The following CPNE4 variants were observed in gnomAD, a reference collection of about 807,000 sequenced individuals.
CPNE4 encodes copine-4.
A neutral mutation model predicts 67.9 loss-of-function variants in CPNE4; 25 were observed. The observed-to-expected ratio is 0.37, with a 90% CI of 0.27 to 0.51. The LOEUF is 0.51. Among genes scored for constraint, CPNE4 ranks in the 20% least tolerant of loss-of-function variants. The pLI is 0.93. For synonymous variants in CPNE4, 242 were observed against 244.9 expected (o/e 0.99, Z 0.11); for missense variants, 464 against 690.8 (o/e 0.67, Z 3.68).
At chr3:131,711,960 C>G (rs1044547944) in intron 3 of CPNE4, among the ~76,000 whole-genome samples, 2 of 152,166 alleles carry the variant, frequency 1.3e-5, no homozygotes, top group African/African-American at 4.8e-5. Flanking sequence ...CAACTCTCCT[C>G]CCTGTGGACA....
intron 1 of CPNE4, among the ~76,000 whole-genome samples, chr3:132,004,944 C>T (rs561524973): frequency 5.3e-5 from 8 of 152,180 alleles, no homozygotes; most frequent in African/African-American, 1.9e-4. Context: ...GGCTCACTTA[C>T]ATCCATTTTT....
chr3:131,648,120 C>T (rs1482811076), intron 7 of CPNE4, among the ~76,000 whole-genome samples: 1 of 152,172 alleles, frequency 6.6e-6, no homozygotes, highest in Non-Finnish European at 1.5e-5. Context: ...TGCCTGGAAT[C>T]ACAGCATTTT....
At chr3:131,780,970 A>G (rs1014359676) in intron 2 of CPNE4, among the ~76,000 whole-genome samples, 10 of 152,056 alleles carry the variant, frequency 6.6e-5, no homozygotes, top group Non-Finnish European at 1.3e-4. Context: ...ACAGGAGGAC[A>G]GTGAAGGTCT....
intron 1 of CPNE4, among the ~76,000 whole-genome samples, chr3:132,028,123 T>C (rs1560811336): frequency 6.6e-6 from 1 of 152,184 alleles, no homozygotes; most frequent in Non-Finnish European, 1.5e-5. Flanking sequence ...GAATCTCTAT[T>C]AGCGCTGTTA....
chr3:131,916,220 C>G (rs1454598500), intron 1 of CPNE4, among the ~76,000 whole-genome samples: 1 of 151,838 alleles, frequency 6.6e-6, no homozygotes, highest in African/African-American at 2.4e-5. Context: ...GTAGAAAGAT[C>G]AAATCTTAGT....
chr3:131,919,676 C>G (rs1445911870), intron 1 of CPNE4, among the ~76,000 whole-genome samples: 1 of 152,082 alleles, frequency 6.6e-6, no homozygotes, highest in African/African-American at 2.4e-5. Flanking sequence ...TTGTTGTACT[C>G]AGATAAAATT....
chr3:131,749,629 CTG>C (rs1326334417), intron 2 of CPNE4, among the ~76,000 whole-genome samples: 1 of 151,994 alleles, frequency 6.6e-6, no homozygotes, highest in Non-Finnish European at 1.5e-5. Flanking sequence ...TAATTTGAAA[CTG>C]TTGTTTCATG....
chr3:131,576,544 A>C (rs540400687), intron 9 of CPNE4, among the ~76,000 whole-genome samples: 18 of 152,300 alleles, frequency 1.2e-4, no homozygotes, highest in Admixed American at 8.5e-4. Context: ...TTGTACAGTT[A>C]TGATAAGATG....
chr3:131,662,468 A>G (rs2080150722), intron 7 of CPNE4, among the ~76,000 whole-genome samples: 1 of 152,240 alleles, frequency 6.6e-6, no homozygotes, highest in Admixed American at 6.5e-5. Context: ...GTAAGGCATC[A>G]GAAACCGTGC....
At chr3:131,665,131 G>C (rs1048392302) in intron 7 of CPNE4, among the ~76,000 whole-genome samples, 3 of 152,104 alleles carry the variant, frequency 2.0e-5, no homozygotes, top group African/African-American at 7.2e-5. Flanking sequence ...GAAGGCTGAG[G>C]GAGAGGACTG....
At chr3:131,656,537 A>G (rs1013113138) in intron 7 of CPNE4, among the ~76,000 whole-genome samples, 3 of 152,196 alleles carry the variant, frequency 2.0e-5, no homozygotes, top group Non-Finnish European at 4.4e-5. Flanking sequence ...GTATATATCC[A>G]TCCATCTATC....
intron 1 of CPNE4, among the ~76,000 whole-genome samples, chr3:132,017,060 A>G (rs145597229): frequency 6.6e-5 from 10 of 152,320 alleles, no homozygotes; most frequent in African/African-American, 2.2e-4. Context: ...AGCTGGGGAA[A>G]GGTAATGCAG....
intron 7 of CPNE4, among the ~76,000 whole-genome samples, chr3:131,602,685 TAA>T (rs1162799235): frequency 6.6e-6 from 1 of 152,076 alleles, no homozygotes; most frequent in Non-Finnish European, 1.5e-5. Flanking sequence ...GTGGACAGAG[TAA>T]AGAGACAGGC....
chr3:131,625,752 G>C (rs2079057608), intron 7 of CPNE4, among the ~76,000 whole-genome samples: 1 of 152,144 alleles, frequency 6.6e-6, no homozygotes, highest in Admixed American at 6.5e-5. Flanking sequence ...GGCACAGTAA[G>C]AGATTGCCAA....
At chr3:131,974,367 G>A (rs529527576) in intron 1 of CPNE4, among the ~76,000 whole-genome samples, 1 of 152,076 alleles carries the variant, frequency 6.6e-6, no homozygotes, top group Non-Finnish European at 1.5e-5. Flanking sequence ...TACAGTGAAT[G>A]CACATGTATA....
intron 6 of CPNE4, among the ~76,000 whole-genome samples, chr3:131,670,148 G>T (rs1373001507): frequency 2.0e-5 from 3 of 152,122 alleles, no homozygotes; most frequent in Admixed American, 6.5e-5. Flanking sequence ...CTCTTCTCTT[G>T]GGGTCAGCAA....
chr3:131,823,636 A>T (rs2107975257), intron 2 of CPNE4, among the ~76,000 whole-genome samples: 1 of 152,364 alleles, frequency 6.6e-6, no homozygotes, highest in East Asian at 1.9e-4. Flanking sequence ...TGCAAAAATA[A>T]CTGGAGTTGC....
chr3:131,883,167 T>C (rs1388028860), intron 2 of CPNE4, among the ~76,000 whole-genome samples: 5 of 152,180 alleles, frequency 3.3e-5, no homozygotes, highest in Non-Finnish European at 7.4e-5. Flanking sequence ...GTGACTGAAG[T>C]TACACTGTAC....
chr3:131,832,626 T>G (rs2085417823), intron 2 of CPNE4, among the ~76,000 whole-genome samples: 1 of 152,244 alleles, frequency 6.6e-6, no homozygotes, highest in Admixed American at 6.5e-5. Flanking sequence ...AATGGAAATG[T>G]CTATCCTACA....
Sources: allele counts gnomAD v4.1 joint callset (sites outside exome capture counted in the v4.1 genomes callset), GRCh38; gene constraint gnomAD v4.1.1; transcripts MANE v1.5; gene names NCBI Gene and HGNC (gene_info 2026-07-23, HGNC 2026-07-21).